Variants in APLF observed in about 807,000 individuals in gnomAD.
APLF encodes the protein aprataxin and PNKP like factor.
In APLF, 61 loss-of-function variants were observed where a neutral mutation model predicts 55.6. The observed-to-expected ratio is 1.10, with a 90% confidence interval of 0.89 to 1.36. The LOEUF (loss-of-function observed/expected upper bound fraction) is 1.36. APLF is among the 40% of genes most tolerant of loss of function. The pLI, the probability that APLF is intolerant of heterozygous loss-of-function variation, is 0.00. For synonymous variants in APLF, 207 were observed against 214.8 expected, an observed-to-expected ratio of 0.96 and a Z score of 0.32; for missense variants, 611 against 602.5, an observed-to-expected ratio of 1.01 and a Z score of -0.15.
At chr2:68,517,443 G>T in intron 5 of APLF, among the ~76,000 whole-genome samples, 1 of 133,192 alleles carries the variant, frequency 7.5e-6, no homozygotes, top group African/African-American at 2.8e-5. Flanking sequence ...ATCTATATAT[G>T]TTATTACTAT....
intron 5 of APLF, among the ~76,000 whole-genome samples, chr2:68,518,301 A>T (rs1669711221): frequency 8.7e-6 from 1 of 114,692 alleles, no homozygotes; most frequent in Non-Finnish European, 1.6e-5. Context: ...ATATTAATAT[A>T]TTATATATTA....
At chr2:68,491,471 G>C (rs1676357092) in intron 2 of APLF, among the ~76,000 whole-genome samples, 3 of 152,210 alleles carry the variant, frequency 2.0e-5, no homozygotes, top group African/African-American at 7.2e-5. Flanking sequence ...ATATCTAGGA[G>C]TGGGAACATG....
intron 3 of APLF, among the ~76,000 whole-genome samples, chr2:68,505,887 C>G (rs1676860944): frequency 6.6e-6 from 1 of 152,018 alleles, no homozygotes; most frequent in South Asian, 2.1e-4. Context: ...TCTCCAGCCC[C>G]TTTTCCCTCC....
intron 8 of APLF, among the ~76,000 whole-genome samples, chr2:68,564,932 C>T (rs1671259546): frequency 6.6e-6 from 1 of 152,140 alleles, no homozygotes; most frequent in African/African-American, 2.4e-5. Flanking sequence ...ATATGATAGC[C>T]ACTAGCCACA....
At chr2:68,487,646 G>T (rs1676227036) in intron 1 of APLF, among the ~76,000 whole-genome samples, 1 of 152,086 alleles carries the variant, frequency 6.6e-6, no homozygotes, top group Admixed American at 6.5e-5. Context: ...GCAGTGATAG[G>T]CTGTTAAATA....
At chr2:68,565,558 G>C (rs60546704) in intron 8 of APLF, among the ~76,000 whole-genome samples, 17,103 of 143,688 alleles carry the variant, frequency 0.12, 1,867 homozygotes, top group African/African-American at 0.3. Context: ...TACATACATA[G>C]ATAAAAGAAG....
chr2:68,578,134 A>C lies in APLF; in HGVS notation c.*112A>C, dbSNP rs947071892. ...AGTTATTTTCCTTCTTTTGATAGTT[A>C]ATGACTTTTACTACTGACTCTTTAC... On this transcript the variant is annotated 3_prime_UTR_variant, in exon 10 of 10. Coordinates refer to ENST00000303795, the MANE Select transcript of APLF (RefSeq NM_173545.3). 59 of 1,451,548 alleles carry C rather than the reference A, an allele frequency of 4.1e-5. No individual in the cohort carries two copies. The highest frequency in any genetic ancestry group is 4.9e-5 in the Non-Finnish European group (54 of 1,106,920). 89.9% of individuals were successfully genotyped at this position (1,451,548 alleles called of 1,614,324 possible). A position where few individuals can be genotyped will look rare whatever the true frequency, so the allele number is the denominator to read the frequency against.
chr2:68,482,030 C>G (rs1675975710), intron 1 of APLF, among the ~76,000 whole-genome samples: 2 of 150,248 alleles, frequency 1.3e-5, no homozygotes, highest in African/African-American at 4.9e-5. Context: ...TATCTGCATT[C>G]TCTTCTATCC....
chr2:68,468,988 G>GT lies in APLF; in HGVS notation c.96+1161_96+1162insT, dbSNP rs1675524104. On this transcript the variant is annotated intron_variant, in intron 1 of 9. Transcript: ENST00000303795. ...TGTATTATGGAAGCTGGTCCTAAAG[G>GT]GGTGTGTGTGTGTGTGTGTGTGTGT... Among the ~76,000 whole-genome samples the GT allele has an allele frequency of 2.0e-4, 24 of 122,008 alleles. No homozygotes were observed. In the Admixed American group the frequency reaches 2.1e-3, roughly 11 times the overall value. 80.0% of individuals were successfully genotyped at this position (122,008 alleles called of 152,430 possible).
At chr2:68,470,297 C>G (rs1675576734) in intron 1 of APLF, among the ~76,000 whole-genome samples, 1 of 151,972 alleles carries the variant, frequency 6.6e-6, no homozygotes, top group Non-Finnish European at 1.5e-5. Flanking sequence ...TTAGTGGTTG[C>G]CAAAGGTTAA....
intron 9 of APLF, among the ~76,000 whole-genome samples, chr2:68,569,757 T>C (rs1294642314): frequency 6.6e-6 from 1 of 152,076 alleles, no homozygotes; most frequent in Admixed American, 6.6e-5. Context: ...AGAGGGATTT[T>C]TGAAGGATGA....
intron 8 of APLF, among the ~76,000 whole-genome samples, chr2:68,560,501 T>G (rs1671139448): frequency 6.6e-6 from 1 of 152,140 alleles, no homozygotes; most frequent in Non-Finnish European, 1.5e-5. Flanking sequence ...ATTTATAAAC[T>G]ACTATGTTCC....
At chr2:68,527,316 C>T (rs13384235) in intron 6 of APLF, among the ~76,000 whole-genome samples, 2,427 of 149,220 alleles carry the variant, frequency 0.016, 73 homozygotes, top group African/African-American at 0.057. Context: ...CAGAGGCGCT[C>T]CTCATTTCCC....
At chr2:68,560,273 G>GA (rs1671133913) in intron 8 of APLF, among the ~76,000 whole-genome samples, 1 of 152,016 alleles carries the variant, frequency 6.6e-6, no homozygotes, top group African/African-American at 2.4e-5. Flanking sequence ...GTTTACTACT[G>GA]ACTGAGTCTC....
chr2:68,510,378 T>C (rs1677009530), intron 3 of APLF, among the ~76,000 whole-genome samples: 2 of 151,796 alleles, frequency 1.3e-5, no homozygotes, highest in South Asian at 4.1e-4. Context: ...CTGATTTGAA[T>C]AGACATTTTT....
intron 5 of APLF, among the ~76,000 whole-genome samples, chr2:68,514,201 T>G (rs181595292): frequency 6.6e-6 from 1 of 151,836 alleles, no homozygotes; most frequent in African/African-American, 2.4e-5. Flanking sequence ...ATTCAATCAT[T>G]TGGTGTATTT....
At chr2:68,573,254 T>C (rs1430773949) in intron 9 of APLF, among the ~76,000 whole-genome samples, 1 of 152,222 alleles carries the variant, frequency 6.6e-6, no homozygotes, top group African/African-American at 2.4e-5. Context: ...TGTCAATCCC[T>C]GTCCACATTT....
intron 2 of APLF, among the ~76,000 whole-genome samples, chr2:68,494,351 A>G (rs1303632130): frequency 6.6e-6 from 1 of 151,718 alleles, no homozygotes; most frequent in Non-Finnish European, 1.5e-5. Context: ...TACAGGAAGC[A>G]TGGTGCCATC....
intron 6 of APLF, among the ~76,000 whole-genome samples, chr2:68,530,290 A>G (rs1670217121): frequency 6.6e-6 from 1 of 152,184 alleles, no homozygotes; most frequent in Non-Finnish European, 1.5e-5. Flanking sequence ...TATCTGTAAT[A>G]AGCACATGCA....
Sources: allele counts gnomAD v4.1 joint callset (sites outside exome capture counted in the v4.1 genomes callset), GRCh38; gene constraint gnomAD v4.1.1; transcripts MANE v1.5; gene names NCBI Gene and HGNC (gene_info 2026-07-23, HGNC 2026-07-21).